The following CSMD1 variants were observed in gnomAD, a reference collection of about 807,000 sequenced individuals.
CSMD1 encodes CUB and Sushi multiple domains 1, also known as CUB and sushi domain-containing protein 1.
In CSMD1, 213 loss-of-function variants were observed where a neutral mutation model predicts 417.5. The observed-to-expected ratio is 0.51, with a 90% CI of 0.46 to 0.57. The LOEUF (loss-of-function observed/expected upper bound fraction) is 0.57. CSMD1 is among the 20% of genes least tolerant of loss of function. The pLI is 0.00. For synonymous variants in CSMD1, 2,862 were observed against 1,736.8 expected, an observed-to-expected ratio of 1.65 and a Z score of -16.11; for missense variants, 6,923 against 4,529.7, an observed-to-expected ratio of 1.53 and a Z score of -15.17.
chr8:3,041,028 C>G (rs931315139), intron 50 of CSMD1, among the ~76,000 whole-genome samples: 1 of 151,950 alleles, frequency 6.6e-6, no homozygotes, highest in Non-Finnish European at 1.5e-5. Flanking sequence ...TTCTTCATAT[C>G]GGTAAATAAA....
At chr8:4,198,708 T>G (rs552812482) in intron 3 of CSMD1, among the ~76,000 whole-genome samples, 1 of 152,174 alleles carries the variant, frequency 6.6e-6, no homozygotes, top group Non-Finnish European at 1.5e-5. Context: ...GGATACTAAG[T>G]GTATTTTAAT....
intron 1 of CSMD1, among the ~76,000 whole-genome samples, chr8:4,754,913 T>G (rs1811573672): frequency 6.6e-6 from 1 of 151,654 alleles, no homozygotes; most frequent in Non-Finnish European, 1.5e-5. Context: ...CCAAGGTGGG[T>G]GGATCACAAG....
intron 12 of CSMD1, among the ~76,000 whole-genome samples, chr8:3,435,973 A>T (rs770579347): frequency 1.3e-5 from 2 of 152,154 alleles, no homozygotes; most frequent in Non-Finnish European, 2.9e-5. Context: ...TCACTTTGCA[A>T]CTTTGTATTT....
At chr8:3,267,181 G>A (rs1801495469) in intron 26 of CSMD1, among the ~76,000 whole-genome samples, 1 of 152,098 alleles carries the variant, frequency 6.6e-6, no homozygotes, top group South Asian at 2.1e-4. Flanking sequence ...CCACTGCCTG[G>A]GAGAGGGGTC....
intron 26 of CSMD1, among the ~76,000 whole-genome samples, chr8:3,272,998 C>G (rs939948398): frequency 6.6e-6 from 1 of 151,118 alleles, no homozygotes; most frequent in African/African-American, 2.4e-5. Flanking sequence ...GAGGGCATCC[C>G]TGTCTTGTGC....
intron 5 of CSMD1, among the ~76,000 whole-genome samples, chr8:3,830,400 C>G (rs899180638): frequency 6.6e-6 from 1 of 152,174 alleles, no homozygotes; most frequent in Non-Finnish European, 1.5e-5. Context: ...GGACCGCTTC[C>G]AATCAGATGA....
chr8:3,724,627 G>A (rs1395453909), intron 6 of CSMD1, among the ~76,000 whole-genome samples: 4 of 152,124 alleles, frequency 2.6e-5, no homozygotes, highest in Non-Finnish European at 4.4e-5. Context: ...GTCACTCCCA[G>A]TATGCAGGAA....
At chr8:3,312,468 A>AG (rs1805425096) in intron 23 of CSMD1, among the ~76,000 whole-genome samples, 1 of 152,156 alleles carries the variant, frequency 6.6e-6, no homozygotes, top group Non-Finnish European at 1.5e-5. Context: ...CTTTCCTGTC[A>AG]GAAAGTTGAA....
chr8:4,058,755 A>G (rs1169140521), intron 3 of CSMD1, among the ~76,000 whole-genome samples: 2 of 143,176 alleles, frequency 1.4e-5, no homozygotes, highest in African/African-American at 2.6e-5. Flanking sequence ...TCCTAAATAT[A>G]TATGCACCCA....
chr8:3,956,172 G>T (rs770525026), intron 5 of CSMD1, among the ~76,000 whole-genome samples: 37 of 152,174 alleles, frequency 2.4e-4, no homozygotes, highest in Non-Finnish European at 4.6e-4. Flanking sequence ...CAAAAAGGTT[G>T]TACAATTTTG....
At chr8:3,097,182 C>T (rs971377103) in intron 46 of CSMD1, 145 bp from the exon 47 acceptor site, 2 of 591,746 alleles carry the variant, frequency 3.4e-6, no homozygotes, top group Non-Finnish European at 5.8e-6. Flanking sequence ...CGAATGCAAA[C>T]ACAGAGGGAG....
At chr8:4,170,602 C>T (rs1262649662) in intron 3 of CSMD1, among the ~76,000 whole-genome samples, 1 of 151,754 alleles carries the variant, frequency 6.6e-6, no homozygotes, top group African/African-American at 2.4e-5. Flanking sequence ...AATTCTGTTT[C>T]TACAAACATG....
At chr8:4,280,928 T>C (rs1796748125) in intron 3 of CSMD1, among the ~76,000 whole-genome samples, 1 of 152,228 alleles carries the variant, frequency 6.6e-6, no homozygotes, top group Non-Finnish European at 1.5e-5. Context: ...CAAAAGTAGA[T>C]ATACATATCC....
At chr8:3,406,663 A>G (rs1289392207) in intron 14 of CSMD1, among the ~76,000 whole-genome samples, 1 of 152,172 alleles carries the variant, frequency 6.6e-6, no homozygotes, top group East Asian at 1.9e-4. Context: ...TACTAAATTT[A>G]TATCCTCTAG....
intron 3 of CSMD1, among the ~76,000 whole-genome samples, chr8:4,330,943 C>A (rs1799836396): frequency 6.6e-6 from 1 of 152,112 alleles, no homozygotes; most frequent in Admixed American, 6.6e-5. Context: ...TCCCCATGTT[C>A]ATTTTTATAA....
intron 5 of CSMD1, among the ~76,000 whole-genome samples, chr8:3,929,622 G>A (rs1401688182): frequency 6.7e-6 from 1 of 150,272 alleles, no homozygotes; most frequent in African/African-American, 2.5e-5. Context: ...TCTTTAAAAG[G>A]AAGAGTATAT....
At chr8:4,213,024 A>G (rs1261748869) in intron 3 of CSMD1, among the ~76,000 whole-genome samples, 1 of 152,032 alleles carries the variant, frequency 6.6e-6, no homozygotes, top group African/African-American at 2.4e-5. Flanking sequence ...TTATTTTTAA[A>G]ACTGAGTTAC....
In CSMD1 at chr8:4,560,363, T is replaced by C. The variant is rs118159228; in HGVS notation, c.302+76979A>G. Reference sequence around the variant, plus strand: ...TACATGTGTTGCCTGAGTCATTATATTTCTTCCTGAAAGATAAATGTTCCT... The same window carrying C: ...TACATGTGTTGCCTGAGTCATTATACTTCTTCCTGAAAGATAAATGTTCCT... On this transcript the variant is annotated intron_variant, in intron 2 of 69. Coordinates refer to ENST00000635120, the MANE Select transcript of CSMD1 (RefSeq NM_033225.6). Among the ~76,000 whole-genome samples, 589 of 152,360 alleles carry C rather than the reference T, an allele frequency of 3.9e-3. 10 individuals carry two copies. Among genetic ancestry groups the C allele is most frequent in the Non-Finnish European group, 2.5e-3 (173 of 68,032 alleles).
At chr8:4,816,046 G>A (rs986726639) in intron 1 of CSMD1, among the ~76,000 whole-genome samples, 1 of 152,180 alleles carries the variant, frequency 6.6e-6, no homozygotes, top group African/African-American at 2.4e-5. Context: ...CTTACCAGGT[G>A]CACAGATAAA....
Sources: gnomAD v4.1 joint callset for allele counts (sites outside exome capture counted in the v4.1 genomes callset) on GRCh38, gnomAD v4.1.1 for gene constraint, MANE v1.5 for transcripts, NCBI Gene and HGNC (gene_info 2026-07-23, HGNC 2026-07-21) for gene names.